The following PTPRN variants were observed in gnomAD, a reference collection of about 807,000 sequenced individuals.
The protein encoded by PTPRN is protein tyrosine phosphatase receptor type N.
PTPRN carries 70 observed loss-of-function variants against 108.5 expected under a neutral mutation model. The ratio of observed to expected loss-of-function variants is 0.65; its 90% CI spans 0.53 to 0.79. The LOEUF (loss-of-function observed/expected upper bound fraction) is 0.79. PTPRN is among the 30% of genes least tolerant of loss of function. PTPRN has a pLI of 0.00. For synonymous variants in PTPRN, 496 were observed against 524.6 expected (o/e 0.95, Z 0.75); for missense variants, 1,136 against 1,295.5 (o/e 0.88, Z 1.89).
At chr2:219,302,070 G>A (rs1952361984) in intron 6 of PTPRN, 67 bp downstream of exon 6, 7 of 1,367,222 alleles carry the variant, frequency 5.1e-6, no homozygotes, top group Middle Eastern at 1.9e-4. Context: ...GATTGTCAGG[G>A]AAGGGCCCCA....
At position 219,299,123 on chromosome 2, in the gene PTPRN, ACAAAGGTCAGGCTTGCTC is replaced by A. The variant is rs754416951; in HGVS notation, c.1604-30_1604-13del. On this transcript the variant is annotated splice_polypyrimidine_tract_variant and intron_variant, in intron 11 of 22. Transcript: ENST00000295718. ...AGACTTCACCAGCCCTGCAGGGAGG[ACAAAGGTCAGGCTTGCTC>A]CAGCCCCATGTGGTCTCCATCCTCT... is the stretch of plus-strand genomic sequence containing the variant. 6.2e-7 allele frequency: 1 copy of A among 1,614,204 alleles called. No individual in the cohort carries two copies. The highest frequency in any genetic ancestry group is 8.5e-7 in the Non-Finnish European group (1 of 1,180,032).
Position 219,291,451 on chromosome 2 carries a change from G to T in PTPRN, c.2729+19C>A, listed in dbSNP as rs757666588. 1.9e-6 allele frequency: 3 copies of T among 1,612,618 alleles called. No homozygotes were observed. In the East Asian group the frequency reaches 6.7e-5, roughly 36 times the overall value. On this transcript the variant is annotated intron_variant, in intron 20 of 22. Coordinates refer to ENST00000295718, the MANE Select transcript of PTPRN (RefSeq NM_002846.4). The stretch of plus-strand genomic sequence containing the variant: ...ACACAGGGAGTGGGACCAGAGAGAT[G>T]AATCTCCTCTCCACCCACCTGCAGT...
chr2:219,303,698 C>T (rs952366867), intron 4 of PTPRN, 37 bp downstream of exon 4: 1 of 1,565,802 alleles, frequency 6.4e-7, no homozygotes, highest in African/African-American at 1.4e-5. Context: ...ATTCATCAGC[C>T]TCACCATTGC....
In PTPRN at chr2:219,301,053, C is replaced by T. The variant is rs374474383; in HGVS notation, c.1127-76G>A. The stretch of plus-strand genomic sequence containing the variant: ...TACACAACACAAGTGGGAGAAAGGG[C>T]CAGAGACCCTGAGCCTGGAACATTT... On this transcript the variant is annotated intron_variant, in intron 7 of 22. Coordinates refer to ENST00000295718, the MANE Select transcript of PTPRN (RefSeq NM_002846.4). The T allele has an allele frequency of 4.4e-3, 6,192 of 1,415,666 alleles. 21 individuals carry two copies. The highest frequency in any genetic ancestry group is 5.6e-3 in the Non-Finnish European group (5,624 of 1,001,940). 87.7% of individuals were successfully genotyped at this position (1,415,666 alleles called of 1,614,324 possible).
At chr2:219,300,451 G>T in intron 8 of PTPRN, 192 bp from the exon 9 acceptor site, 1 of 562,086 alleles carries the variant, frequency 1.8e-6, no homozygotes, top group Non-Finnish European at 3.0e-6. Context: ...ATGAATAAAG[G>T]ATTGAATGAT....
chr2:219,309,024 T>A, intron 1 of PTPRN, 194 bp downstream of exon 1: 5 of 1,493,792 alleles, frequency 3.3e-6, no homozygotes, highest in East Asian at 2.8e-5. Flanking sequence ...CGCCCCCGTA[T>A]TCCCAGCCCC....
chr2:219,294,757 C>A (rs986216040), intron 19 of PTPRN, among the ~76,000 whole-genome samples: 1 of 152,108 alleles, frequency 6.6e-6, no homozygotes, highest in African/African-American at 2.4e-5. Flanking sequence ...CAGCGGCCGG[C>A]GCGGAGCTGG....
intron 7 of PTPRN, 136 bp from the exon 8 acceptor site, chr2:219,301,113 C>T (rs570328898): frequency 1.2e-6 from 1 of 833,388 alleles, no homozygotes; most frequent in East Asian, 2.5e-5. Context: ...GACCAAGACC[C>T]TGTTACTGGT....
chr2:219,307,621 C>A, intron 2 of PTPRN, 64 bp from the exon 3 acceptor site: 1 of 1,502,670 alleles, frequency 6.7e-7, no homozygotes, highest in East Asian at 2.3e-5. Context: ...GTCCAGGTTG[C>A]AAATGGACTG....
chr2:219,298,205 C>T (rs1009754723), intron 12 of PTPRN, 102 bp from the exon 13 acceptor site: 1 of 1,179,940 alleles, frequency 8.5e-7, no homozygotes, highest in Non-Finnish European at 1.2e-6. Context: ...AGGACATCTC[C>T]TGGGGCAAAG....
At position 219,295,068 on chromosome 2, in the gene PTPRN, G is replaced by T. The variant is rs777087069; in HGVS notation, c.2582C>A (p.Thr861Asn). 1.1e-5 allele frequency: 18 copies of T among 1,613,518 alleles called. No individual in the cohort carries two copies. In the Admixed American group the frequency reaches 1.3e-4, roughly 12 times the overall value. Residue 861 changes from threonine to asparagine, a missense_variant, in exon 19 of 23, where the codon ACC becomes AAC. Thr to Asn is a moderately conservative substitution (Grantham distance 65, BLOSUM62 0). Coordinates refer to ENST00000295718, the MANE Select transcript of PTPRN (RefSeq NM_002846.4). The part of the protein sequence containing the change: ...VRSFYLKNVQ[T>N]QETRTLTQFH... ...CTGCGTGAGCGTGCGCGTCTCCTGG[G>T]TCTGCACGTTCTTCAGGTAGAAGCT... is the stretch of plus-strand genomic sequence containing the variant.
At chr2:219,294,565 A>G (rs1952133230) in intron 19 of PTPRN, among the ~76,000 whole-genome samples, 2 of 128,538 alleles carry the variant, frequency 1.6e-5, no homozygotes, top group African/African-American at 7.4e-5. Context: ...TGAGAGACGG[A>G]GGGGGCAGCA....
chr2:219,298,033 G>A lies in PTPRN; in HGVS notation c.1739C>T (p.Thr580Ile). 2 of 1,614,100 alleles carry A rather than the reference G, an allele frequency of 1.2e-6. No homozygotes were observed. The highest frequency in any genetic ancestry group is 2.2e-5 in the South Asian group (2 of 91,090). ...STSPMRSVLLTLVALAGVAGL... is the reference protein window; with the variant it reads ...STSPMRSVLLILVALAGVAGL... ...AGCCACACCTGCCAGGGCCACCAGA[G>A]TGAGCAGCACTGAGCGCATGGGTGA... The change falls in exon 13 of 23, where the codon ACT becomes ATT. Residue 580 changes from threonine to isoleucine, a missense_variant. Coordinates refer to ENST00000295718, the MANE Select transcript of PTPRN (RefSeq NM_002846.4).
At chr2:219,302,054 C>T (rs538104771) in intron 6 of PTPRN, 83 bp downstream of exon 6, 65 of 1,257,482 alleles carry the variant, frequency 5.2e-5, no homozygotes, top group Admixed American at 3.6e-4. Context: ...AGTTAACAAA[C>T]GCATAGATTG....
At chr2:219,294,854 G>C in intron 19 of PTPRN, 121 bp downstream of exon 19, 1 of 1,028,080 alleles carries the variant, frequency 9.7e-7, no homozygotes, top group African/African-American at 1.7e-5. Flanking sequence ...TCTGGAGCGG[G>C]CGGCCAGAAG....
intron 3 of PTPRN, among the ~76,000 whole-genome samples, chr2:219,305,686 C>T (rs1378083538): frequency 2.0e-5 from 3 of 152,194 alleles, no homozygotes; most frequent in African/African-American, 7.2e-5. Flanking sequence ...CAGGTGAGAA[C>T]TCTGTCTCTC....
chr2:219,299,254 T>C (rs1192094791), intron 11 of PTPRN, 51 bp downstream of exon 11: 1 of 1,604,224 alleles, frequency 6.2e-7, no homozygotes, highest in African/African-American at 1.3e-5. Flanking sequence ...TATATCCTCT[T>C]AGGAGTGGGG....
At position 219,303,748 on chromosome 2, in the gene PTPRN, G is replaced by A. The variant is rs754715202; in HGVS notation, c.364C>T (p.Arg122Cys). ...RIPRLRPPEPRPRDRSGLAPK... is the reference protein window; with the variant it reads ...RIPRLRPPEPCPRDRSGLAPK... ...AAGGCTGCCTACCTGTCCCTTGGAC[G>A]GGGCTCTGGGGGGCGAAGCCTGGGG... The change falls in exon 4 of 23, where the codon CGT becomes TGT. Residue 122 changes from arginine (R) to cysteine (C), a missense_variant. Transcript: ENST00000295718. 15 of 1,613,696 alleles carry A rather than the reference G, an allele frequency of 9.3e-6. 1 individual carries two copies. Among genetic ancestry groups the A allele is most frequent in the South Asian group, 6.6e-5 (6 of 91,084 alleles).
At position 219,296,603 on chromosome 2, in the gene PTPRN, G is replaced by C; in HGVS notation, c.2311-87C>G. On this transcript the variant is annotated intron_variant, in intron 16 of 22. Transcript: ENST00000295718. This position sits in a 1 kb window ranked among gnomAD's most constrained non-coding sequence, Gnocchi z 6.0. ...TCAGAGCAAGTGGGTCAGGGTCTGAGAAGGCTGGCAGTTCCCCCTTGCTAG... is the reference window on the plus strand; with the variant it reads ...TCAGAGCAAGTGGGTCAGGGTCTGACAAGGCTGGCAGTTCCCCCTTGCTAG... 1 of 1,575,854 alleles carries C rather than the reference G, an allele frequency of 6.3e-7. No homozygotes were observed. The highest frequency in any genetic ancestry group is 2.2e-5 in the East Asian group (1 of 44,550).
Sources: gnomAD v4.1 joint callset for allele counts (sites outside exome capture counted in the v4.1 genomes callset) on GRCh38, gnomAD v4.1.1 for gene constraint, Gnocchi (gnomAD v3.1) non-coding constraint, MANE v1.5 for transcripts, NCBI Gene and HGNC (gene_info 2026-07-23, HGNC 2026-07-21) for gene names.